Variants in POLA1 observed in about 807,000 individuals in gnomAD.
POLA1 encodes DNA polymerase alpha catalytic subunit.
POLA1 carries 15 observed loss-of-function variants against 124.0 expected under a neutral mutation model. That is an observed-to-expected ratio of 0.12 (90% confidence interval 0.08 to 0.19). The LOEUF (loss-of-function observed/expected upper bound fraction) is 0.19, where lower values mean the gene tolerates loss of function less well. POLA1 is among the 10% of genes least tolerant of loss of function. The pLI is 1.00. For synonymous variants in POLA1, 408 were observed against 389.4 expected (o/e 1.05, Z -0.56); for missense variants, 886 against 1,103.4 (o/e 0.80, Z 2.79).
intron 35 of POLA1, among the ~76,000 whole-genome samples, chrX:24,921,787 A>G (rs745500672): frequency 1.8e-5 from 2 of 111,537 alleles, no homozygotes; most frequent in South Asian, 3.7e-4. Context: ...GTAGCCATGT[A>G]TATTTATTTT....
rs567643840 is a variant in POLA1 at position 24,951,356 on chromosome X, C to A, written c.4261+20807C>A. Among the ~76,000 whole-genome samples, 44 of 76,001 alleles carry A rather than the reference C, an allele frequency of 5.8e-4. 1 individual carries two copies. Among genetic ancestry groups the A allele is most frequent in the East Asian group, 9.0e-4 (2 of 2,218 alleles). 66.0% of individuals were successfully genotyped at this position (76,001 alleles called of 115,157 possible). A position where few individuals can be genotyped will look rare whatever the true frequency, so the allele number is the denominator to read the frequency against. On this transcript the variant is annotated intron_variant, in intron 36 of 36. Coordinates refer to ENST00000379068, the MANE Select transcript of POLA1 (RefSeq NM_001330360.2). ...AAACACCTCCCTACCCCCCCCCCCC[C>A]CCACCAAATGCAGACGAGGATATTT...
chrX:24,950,335 G>A (rs2048020245), intron 36 of POLA1, among the ~76,000 whole-genome samples: 1 of 112,030 alleles, frequency 8.9e-6, no homozygotes, highest in Non-Finnish European at 1.9e-5. Context: ...ACACTTGAAT[G>A]TAGCTAGTGC....
At position 24,704,483 on chromosome X, in the gene POLA1, G is replaced by C. The variant is rs1457819839; in HGVS notation, c.346+14G>C. 9.5e-7 allele frequency: 1 copy of C among 1,057,718 alleles called. No individual in the cohort carries two copies. Among genetic ancestry groups the C allele is most frequent in the African/African-American group, 1.8e-5 (1 of 54,190 alleles). 87.2% of individuals were successfully genotyped at this position (1,057,718 alleles called of 1,213,427 possible). A position where few individuals can be genotyped will look rare whatever the true frequency, so the allele number is the denominator to read the frequency against. On this transcript the variant is annotated intron_variant, in intron 4 of 36. Transcript: ENST00000379068. ...CTGATGAGAAAGGTACCTACCTTTT[G>C]TTTTCCAGGGTGTTGTTTTGAGATT...
At chrX:24,798,866 C>T (rs1184612018) in intron 26 of POLA1, among the ~76,000 whole-genome samples, 1 of 111,303 alleles carries the variant, frequency 9.0e-6, no homozygotes, top group African/African-American at 3.3e-5. Flanking sequence ...AACACGTTTA[C>T]ATTTCCCTAA....
intron 14 of POLA1, among the ~76,000 whole-genome samples, 190 bp from the exon 15 acceptor site, chrX:24,727,590 CAT>C (rs1476163609): frequency 1.8e-5 from 2 of 112,003 alleles, no homozygotes; most frequent in Non-Finnish European, 3.8e-5. Context: ...GGAAAATGAA[CAT>C]ATGTACACAC....
chrX:24,777,827 A>G (rs922533006), intron 26 of POLA1, among the ~76,000 whole-genome samples: 2 of 112,003 alleles, frequency 1.8e-5, no homozygotes, highest in African/African-American at 3.2e-5. Context: ...AATTGCTTCT[A>G]TGGGCTAAAG....
chrX:24,954,360 C>A (rs1175411894), intron 36 of POLA1, among the ~76,000 whole-genome samples: 1 of 112,117 alleles, frequency 8.9e-6, no homozygotes, highest in African/African-American at 3.2e-5. Flanking sequence ...GGCTGTGTTG[C>A]TAGATCCACA....
intron 36 of POLA1, among the ~76,000 whole-genome samples, chrX:24,966,438 GTCTC>G (rs1292098312): frequency 1.8e-5 from 2 of 111,477 alleles, no homozygotes; most frequent in Non-Finnish European, 3.8e-5. Context: ...CTACTATCTG[GTCTC>G]TCTTTTTTAC....
intron 26 of POLA1, among the ~76,000 whole-genome samples, chrX:24,751,900 A>G (rs1932342081): frequency 8.9e-6 from 1 of 111,989 alleles, no homozygotes; most frequent in African/African-American, 3.2e-5. Flanking sequence ...ATAATATAGT[A>G]ACCTGCAGAT....
intron 36 of POLA1, among the ~76,000 whole-genome samples, chrX:24,952,427 T>G (rs1260946824): frequency 1.8e-5 from 2 of 112,071 alleles, no homozygotes; most frequent in Non-Finnish European, 3.8e-5. Flanking sequence ...CTTCAAGTGT[T>G]TGACCTGTTT....
chrX:24,741,532 A>G, intron 21 of POLA1, 28 bp downstream of exon 21: 3 of 1,172,382 alleles, frequency 2.6e-6, no homozygotes, highest in Non-Finnish European at 3.5e-6. Flanking sequence ...AGGGGGAAAA[A>G]GCATTTCCTG....
intron 34 of POLA1, among the ~76,000 whole-genome samples, chrX:24,881,033 C>T (rs967620228): frequency 1.8e-5 from 2 of 111,719 alleles, no homozygotes; most frequent in Admixed American, 9.5e-5. Context: ...TCCGTGAATC[C>T]GGAAATAAAG....
chrX:24,859,576 CT>C lies in POLA1; in HGVS notation c.4047+15903del, dbSNP rs769554000. ...ACTGTTTTCTGCATGCTCTCATAACCTTTTGTACACACCTCTGTGGCAGCAC... is the reference window on the plus strand; with the variant it reads ...ACTGTTTTCTGCATGCTCTCATAACCTTTGTACACACCTCTGTGGCAGCAC... On this transcript the variant is annotated intron_variant, in intron 34 of 36. Coordinates refer to ENST00000379068, the MANE Select transcript of POLA1 (RefSeq NM_001330360.2). 1.1e-3 allele frequency among the ~76,000 whole-genome samples: 123 copies of C among 112,564 alleles called. 1 individual carries two copies. Among genetic ancestry groups the C allele is most frequent in the African/African-American group, 3.2e-3 (98 of 31,038 alleles).
chrX:24,986,658 G>T (rs1441374572), intron 36 of POLA1, among the ~76,000 whole-genome samples: 1 of 106,713 alleles, frequency 9.4e-6, no homozygotes, highest in Non-Finnish European at 1.9e-5. Flanking sequence ...GAGGTGAGAG[G>T]ATTATTGGAG....
intron 21 of POLA1, 76 bp from the exon 22 acceptor site, chrX:24,741,926 A>G: frequency 1.1e-6 from 1 of 891,241 alleles, no homozygotes; most frequent in Non-Finnish European, 1.6e-6. Context: ...TGCTGTGACT[A>G]AACTTACTGA....
At chrX:24,758,811 C>T (rs1157039312) in intron 26 of POLA1, among the ~76,000 whole-genome samples, 1 of 112,075 alleles carries the variant, frequency 8.9e-6, no homozygotes, top group Non-Finnish European at 1.9e-5. Flanking sequence ...TCCCGAGTAG[C>T]TGGGACTACA....
chrX:24,821,360 C>A (rs2046084351), intron 30 of POLA1, 92 bp from the exon 31 acceptor site: 2 of 647,927 alleles, frequency 3.1e-6, no homozygotes, highest in South Asian at 4.9e-5. Context: ...GTTTATGTGG[C>A]TAGTATGATT....
chrX:24,811,347 ACTGCAACCTCCGACTCC>A (rs1290937596), intron 28 of POLA1, among the ~76,000 whole-genome samples: 2 of 107,581 alleles, frequency 1.9e-5, no homozygotes, highest in Non-Finnish European at 3.8e-5. Context: ...ATCTCGGCTC[ACTGCAACCTCCGACTCC>A]CTGCAACCTC....
At chrX:24,934,602 A>G (rs1475754914) in intron 36 of POLA1, among the ~76,000 whole-genome samples, 1 of 112,286 alleles carries the variant, frequency 8.9e-6, no homozygotes, top group Non-Finnish European at 1.9e-5. Context: ...TAATAGTAAG[A>G]TGGTGTATTC....
Sources: allele counts gnomAD v4.1 joint callset (sites outside exome capture counted in the v4.1 genomes callset), GRCh38; gene constraint gnomAD v4.1.1; transcripts MANE v1.5; gene names NCBI Gene and HGNC (gene_info 2026-07-23, HGNC 2026-07-21).